The following SYDE2 variants were observed in gnomAD, a reference collection of about 807,000 sequenced individuals.
The protein encoded by SYDE2 is rho GTPase-activating protein SYDE2.
A neutral mutation model predicts 91.5 loss-of-function variants in SYDE2; 76 were observed. The observed-to-expected ratio is 0.83, with a 90% CI of 0.69 to 1.01. The LOEUF is 1.01. Among genes scored for constraint, SYDE2 ranks in the 50% least tolerant of loss-of-function variants. The pLI is 0.00. For synonymous variants in SYDE2, 513 were observed against 506.4 expected, an observed-to-expected ratio of 1.01 and a Z score of -0.18; for missense variants, 1,364 against 1,367.7, an observed-to-expected ratio of 1.00 and a Z score of 0.04.
At chr1:85,187,017 G>C (rs1464751104) in intron 2 of SYDE2, among the ~76,000 whole-genome samples, 3 of 151,826 alleles carry the variant, frequency 2.0e-5, no homozygotes, top group East Asian at 1.9e-4. Flanking sequence ...TGACAAATGG[G>C]ATCTAATTAA....
intron 6 of SYDE2, chr1:85,160,309 C>T: frequency 1.1e-6 from 1 of 928,898 alleles, no homozygotes; most frequent in Non-Finnish European, 1.3e-6. Context: ...TCTAGTTTTC[C>T]AGACTTAAAG....
In SYDE2 at chr1:85,190,049, A is replaced by AT; in HGVS notation, c.1441+7dup. The AT allele has an allele frequency of 6.3e-7, 1 of 1,575,202 alleles. No individual in the cohort carries two copies. ...AAGAAAGAAAGACACATATATGATC[A>AT]TTTTTACCTGCAAAAGGAGATTTCA... On this transcript the variant is annotated splice_region_variant and intron_variant, in intron 2 of 6. Transcript: ENST00000341460.
Position 85,158,917 on chromosome 1 carries a change from T to C in SYDE2, c.3418A>G (p.Ile1140Val), listed in dbSNP as rs752219900. Residue 1140 changes from isoleucine (I) to valine (V), a missense_variant, in exon 7 of 7, where the codon ATT becomes GTT. Physicochemically the swap from Ile to Val is conservative, Grantham distance 29. Transcript: ENST00000341460. ...DGPEVMIEQP[I>V]PMSKECTFQT... ...AATGTACACTCTTTGGACATGGGAATTGGCTGTTCAATCATTACTTCTGGC... is the reference window on the plus strand; with the variant it reads ...AATGTACACTCTTTGGACATGGGAACTGGCTGTTCAATCATTACTTCTGGC... The C allele has an allele frequency of 9.0e-6, 7 of 780,706 alleles. No homozygotes were observed. The highest frequency in any genetic ancestry group is 8.1e-5 in the South Asian group (6 of 74,534). The allele number at this position is 780,706 out of a possible 1,614,324, so 48.4% of individuals were successfully genotyped here.
At chr1:85,155,009 C>CA, downstream of SYDE2, among the ~76,000 whole-genome samples, 3,670 of 80,584 alleles carry the variant, frequency 0.046, 83 homozygotes, top group African/African-American at 0.084. Context: ...AAGAATGCAG[C>CA]AAAAAAAAAA....
chr1:85,178,473 A>C (rs912261394), intron 3 of SYDE2, among the ~76,000 whole-genome samples: 6 of 152,196 alleles, frequency 3.9e-5, no homozygotes, highest in African/African-American at 1.4e-4. Context: ...TTAAATTCAA[A>C]CAATACACTA....
Position 85,190,390 on chromosome 1 carries a change from T to C in SYDE2, c.1108A>G (p.Ile370Val). ...EENDADDEGE[I>V]WYNPIPEDDD... is the part of the protein sequence containing the mutation. ...TCCTCAGGAATGGGATTGTACCATA[T>C]TTCTCCTTCATCATCTGCATCATTT... is the stretch of plus-strand genomic sequence containing the variant. The change falls in exon 2 of 7, where the codon ATA (isoleucine) becomes GTA (valine). Residue 370 changes from isoleucine to valine, a missense_variant. By Grantham distance (29) the Ile-to-Val change is conservative. Transcript: ENST00000341460. The C allele has an allele frequency of 6.2e-7, 1 of 1,613,912 alleles. No homozygotes were observed. Among genetic ancestry groups the C allele is most frequent in the Non-Finnish European group, 8.5e-7 (1 of 1,179,836 alleles).
rs1167157315 is a variant in SYDE2, at chr1:85,190,722, A to G, written c.776T>C (p.Met259Thr). Residue 259 changes from methionine (M) to threonine (T), a missense_variant, in exon 2 of 7, where the codon ATG becomes ACG. Physicochemically the swap from Met to Thr is moderately conservative, Grantham distance 81. Transcript: ENST00000341460. ...DLFENAYGSS[M>T]KGRELEELKD... ...CAGCTCTTCAAGTTCTCTTCCCTTC[A>G]TTGAAGACCCATAGGCATTTTCAAA... 1 of 1,611,148 alleles carries G rather than the reference A, an allele frequency of 6.2e-7. No individual in the cohort carries two copies. The highest frequency in any genetic ancestry group is 8.5e-7 in the Non-Finnish European group (1 of 1,178,886).
chr1:85,168,979 C>T, intron 5 of SYDE2, 65 bp downstream of exon 5: 1 of 1,377,608 alleles, frequency 7.3e-7, no homozygotes. Context: ...TTATTTGTAG[C>T]TCTGGAGGTA....
chr1:85,175,308 T>C (rs1459357410), intron 4 of SYDE2, among the ~76,000 whole-genome samples: 1 of 152,144 alleles, frequency 6.6e-6, no homozygotes, highest in African/African-American at 2.4e-5. Context: ...GAGACCACCC[T>C]GGGCAACACG....
At chr1:85,162,713 G>C (rs570394843) in intron 6 of SYDE2, among the ~76,000 whole-genome samples, 1 of 152,204 alleles carries the variant, frequency 6.6e-6, no homozygotes, top group African/African-American at 2.4e-5. Flanking sequence ...CCAAAACTAA[G>C]GTGGCTACTA....
chr1:85,171,896 A>C (rs1196414217), intron 4 of SYDE2, among the ~76,000 whole-genome samples: 1 of 152,196 alleles, frequency 6.6e-6, no homozygotes, highest in Non-Finnish European at 1.5e-5. Context: ...CTTTGAGAAA[A>C]GTAGATAACC....
At chr1:85,163,442 AATCTATAT>A (rs1376620944) in intron 6 of SYDE2, among the ~76,000 whole-genome samples, 70 of 50,764 alleles carry the variant, frequency 1.4e-3, no homozygotes, top group African/African-American at 3.2e-3. Flanking sequence ...CTTGTACTTT[AATCTATAT>A]ATATATATAT....
At position 85,182,103 on chromosome 1, in the gene SYDE2, A is replaced by C. The variant is rs1657941743; in HGVS notation, c.2539T>G (p.Cys847Gly). Reference protein sequence around the residue: ...KCIMEIEKRGCQVVGLYRLCG... With the variant: ...KCIMEIEKRGGQVVGLYRLCG... Reference sequence around the variant, plus strand: ...GAACCATAGTAAGATAATACCTGACAGCCTCTCTTTTCAATTTCCATAATA... The same window carrying C: ...GAACCATAGTAAGATAATACCTGACCGCCTCTCTTTTCAATTTCCATAATA... Residue 847 changes from cysteine to glycine, a missense_variant, in exon 3 of 7, where the codon TGT becomes GGT. By Grantham distance (159) the Cys-to-Gly change is radical. Coordinates refer to ENST00000341460, the MANE Select transcript of SYDE2 (RefSeq NM_032184.2). 1 of 1,582,172 alleles carries C rather than the reference A, an allele frequency of 6.3e-7. No individual in the cohort carries two copies. The highest frequency in any genetic ancestry group is 1.2e-5 in the South Asian group (1 of 83,976).
chr1:85,180,418 G>A (rs762197349), intron 3 of SYDE2, among the ~76,000 whole-genome samples: 1 of 151,990 alleles, frequency 6.6e-6, no homozygotes, highest in East Asian at 1.9e-4. Context: ...TAGGCCGGAC[G>A]CGGTGGCTCA....
chr1:85,190,203 A>G lies in SYDE2; in HGVS notation c.1295T>C (p.Ile432Thr), dbSNP rs1422081957. The G allele has an allele frequency of 5.6e-6, 9 of 1,613,988 alleles. No individual in the cohort carries two copies. Among genetic ancestry groups the G allele is most frequent in the South Asian group, 1.1e-5 (1 of 91,084 alleles). The part of the protein sequence containing the change: ...SLCSSEHAGD[I>T]QTTRSNGMNP... ...CATTCCATTTGACCGTGTGGTCTGA[A>G]TATCACCTGCATGTTCGGAAGAGCA... Residue 432 changes from isoleucine to threonine, a missense_variant, in exon 2 of 7, where the codon ATT becomes ACT. Physicochemically the swap from Ile to Thr is moderately conservative, Grantham distance 89 (BLOSUM62 -1). Transcript: ENST00000341460.
rs1468978076 is a variant in SYDE2, at chr1:85,190,721, C to T, written c.777G>A (p.Met259Ile). ...DLFENAYGSS[M>I]KGRELEELKD... is the part of the protein sequence containing the mutation. ...TCAGCTCTTCAAGTTCTCTTCCCTTCATTGAAGACCCATAGGCATTTTCAA... is the reference window on the plus strand; with the variant it reads ...TCAGCTCTTCAAGTTCTCTTCCCTTTATTGAAGACCCATAGGCATTTTCAA... The change falls in exon 2 of 7, where the codon ATG (methionine) becomes ATA (isoleucine). Residue 259 changes from methionine (M) to isoleucine (I), a missense_variant. By Grantham distance (10) the Met-to-Ile change is conservative. Coordinates refer to ENST00000341460, the MANE Select transcript of SYDE2 (RefSeq NM_032184.2). The T allele has an allele frequency of 6.2e-7, 1 of 1,610,772 alleles. No individual in the cohort carries two copies. The highest frequency in any genetic ancestry group is 8.5e-7 in the Non-Finnish European group (1 of 1,178,758).
At chr1:85,160,766 T>C in intron 6 of SYDE2, 1 of 985,456 alleles carries the variant, frequency 1.0e-6, no homozygotes, top group Non-Finnish European at 1.2e-6. Context: ...TTATCTGGTC[T>C]GATCTAACCA....
In SYDE2 at chr1:85,158,994, T is replaced by G; in HGVS notation, c.3341A>C (p.Asp1114Ala). The change falls in exon 7 of 7, where the codon GAT (aspartate) becomes GCT (alanine). Residue 1114 changes from aspartate to alanine, a missense_variant. Transcript: ENST00000341460. ...GATTTTTCTATCTTCTGAAGGGACA[T>G]CATCATAATCCACATCATTTAAATT... ...KENLNDVDYD[D>A]VPSEDRKIGE... is the part of the protein sequence containing the mutation. 1.3e-6 allele frequency: 1 copy of G among 780,788 alleles called. No individual in the cohort carries two copies. The highest frequency in any genetic ancestry group is 1.3e-5 in the South Asian group (1 of 74,578). 48.4% of individuals were successfully genotyped at this position (780,788 alleles called of 1,614,324 possible).
intron 1 of SYDE2, among the ~76,000 whole-genome samples, chr1:85,191,635 G>A (rs1658371866): frequency 6.6e-6 from 1 of 151,850 alleles, no homozygotes; most frequent in Non-Finnish European, 1.5e-5. Flanking sequence ...GCACGTGCCT[G>A]CAGTCCCAGC....
Sources: allele counts gnomAD v4.1 joint callset (sites outside exome capture counted in the v4.1 genomes callset), GRCh38; gene constraint gnomAD v4.1.1; transcripts MANE v1.5; gene names NCBI Gene and HGNC (gene_info 2026-07-23, HGNC 2026-07-21).